The following EDEM3 variants were observed in gnomAD, a reference collection of about 807,000 sequenced individuals.
EDEM3 encodes the protein ER degradation enhancing alpha-mannosidase like protein 3.
EDEM3 carries 60 observed loss-of-function variants against 110.2 expected under a neutral mutation model. The ratio of observed to expected loss-of-function variants is 0.54; its 90% confidence interval spans 0.44 to 0.67. The LOEUF is 0.67. Ranked by LOEUF, EDEM3 falls within the 30% of genes least tolerant of loss-of-function variation. The pLI, the probability that EDEM3 is intolerant of heterozygous loss-of-function variation, is 0.00. For missense variants in EDEM3, 996 were observed against 1,121.0 expected (o/e 0.89, Z 1.59); for synonymous variants, 352 against 382.9 (o/e 0.92, Z 0.94).
At position 184,712,590 on chromosome 1, in the gene EDEM3, G is replaced by C; in HGVS notation, c.1379C>G (p.Ser460Cys). ...TTTAAACATTTCAGCCAAGAAGAAAGAATCCATTCTAAAATAAAAAGTCAC... is the reference window on the plus strand; with the variant it reads ...TTTAAACATTTCAGCCAAGAAGAAACAATCCATTCTAAAATAAAAAGTCAC... ...RTGSHEDRMD[S>C]FFLAEMFKYL... is the part of the protein sequence containing the mutation. The change falls in exon 14 of 20, where the codon TCT (serine) becomes TGT (cysteine). Residue 460 changes from serine to cysteine, a missense_variant. Around this residue, in one of 5 missense-constraint regions of EDEM3, gnomAD observed 310 missense variants for 394.6 expected, o/e 0.79. Coordinates refer to ENST00000318130, the MANE Select transcript of EDEM3 (RefSeq NM_025191.4). The C allele has an allele frequency of 1.3e-6, 2 of 1,525,154 alleles. No individual in the cohort carries two copies. Among genetic ancestry groups the C allele is most frequent in the Non-Finnish European group, 1.8e-6 (2 of 1,128,266 alleles). 94.5% of individuals were successfully genotyped at this position (1,525,154 alleles called of 1,614,324 possible).
intron 11 of EDEM3, among the ~76,000 whole-genome samples, chr1:184,718,581 C>T (rs2207733): frequency 0.58 from 87,493 of 151,836 alleles, 26,766 homozygotes; most frequent in African/African-American, 0.79. Context: ...AAATTTTTAA[C>T]GGTACATTTC....
intron 13 of EDEM3, among the ~76,000 whole-genome samples, chr1:184,713,527 A>G (rs1650377362): frequency 6.6e-6 from 1 of 152,236 alleles, no homozygotes; most frequent in African/African-American, 2.4e-5. Flanking sequence ...ACTACTCCCC[A>G]AAGCATCATA....
intron 10 of EDEM3, 39 bp from the exon 11 acceptor site, chr1:184,719,284 G>A (rs762294601): frequency 1.8e-5 from 27 of 1,507,174 alleles, no homozygotes; most frequent in Admixed American, 2.3e-5. Context: ...AATAAAATAT[G>A]AGCTGATTTT....
chr1:184,724,027 T>C (rs1651056618), intron 7 of EDEM3, among the ~76,000 whole-genome samples, 171 bp from the exon 8 acceptor site: 1 of 152,002 alleles, frequency 6.6e-6, no homozygotes, highest in African/African-American at 2.4e-5. Context: ...AACTCAAAGC[T>C]TGGCTCTTTT....
In EDEM3 at chr1:184,706,633, G is replaced by A; in HGVS notation, c.2203+10C>T. 6.2e-7 allele frequency: 1 copy of A among 1,602,502 alleles called. No individual in the cohort carries two copies. The highest frequency in any genetic ancestry group is 8.5e-7 in the Non-Finnish European group (1 of 1,171,784). On this transcript the variant is annotated intron_variant, in intron 18 of 19. Transcript: ENST00000318130. Reference sequence around the variant, plus strand: ...CTTCAGTCAACACAATGACATGGATGATTACTTACCAATAACAATGCCACC... The same window carrying A: ...CTTCAGTCAACACAATGACATGGATAATTACTTACCAATAACAATGCCACC...
chr1:184,721,431 C>A (rs779978681), intron 8 of EDEM3, 45 bp from the exon 9 acceptor site: 2 of 1,498,098 alleles, frequency 1.3e-6, no homozygotes, highest in Non-Finnish European at 1.8e-6. Flanking sequence ...TTTTTAAAAC[C>A]GTTAAATTTT....
At chr1:184,753,991 T>C (rs1189434505) in intron 1 of EDEM3, among the ~76,000 whole-genome samples, 1 of 152,238 alleles carries the variant, frequency 6.6e-6, no homozygotes, top group Non-Finnish European at 1.5e-5. Flanking sequence ...AAGAAAACAC[T>C]GCAAGGAAAT....
rs117277213 is a variant in EDEM3, at chr1:184,704,769, T to C, written c.2204-1773A>G. Among the ~76,000 whole-genome samples the C allele has an allele frequency of 3.0e-3, 427 of 143,868 alleles. 5 individuals carry two copies. The East Asian group carries it at 0.039, about 13-fold the overall frequency. 94.4% of individuals were successfully genotyped at this position (143,868 alleles called of 152,430 possible). A position where few individuals can be genotyped will look rare whatever the true frequency, so the allele number is the denominator to read the frequency against. On this transcript the variant is annotated intron_variant, in intron 18 of 19. Coordinates refer to ENST00000318130, the MANE Select transcript of EDEM3 (RefSeq NM_025191.4). ...CAACTAATAGCTACCAAAAAAAACA[T>C]TTGACGGGCCAGGCTTGGTGGCTCA...
In EDEM3 at chr1:184,754,627, C is replaced by G. The variant is rs752781403; in HGVS notation, c.20G>C (p.Arg7Pro). The G allele has an allele frequency of 6.9e-6, 11 of 1,590,482 alleles. No individual in the cohort carries two copies. The highest frequency in any genetic ancestry group is 5.4e-5 in the African/African-American group (4 of 74,138). MSEAGGRGCGSPVPQRA... is the reference protein window; with the variant it reads MSEAGGPGCGSPVPQRA... ...CTGGGGAACCGGGGACCCACAGCCCCGGCCGCCGGCTTCGCTCATGGCCCC... is the reference window on the plus strand; with the variant it reads ...CTGGGGAACCGGGGACCCACAGCCCGGGCCGCCGGCTTCGCTCATGGCCCC... Residue 7 changes from arginine to proline, a missense_variant, in exon 1 of 20, where the codon CGG becomes CCG. Around this residue, in one of 5 missense-constraint regions of EDEM3, gnomAD observed 200 missense variants for 183.8 expected, o/e 1.09. Coordinates refer to ENST00000318130, the MANE Select transcript of EDEM3 (RefSeq NM_025191.4).
chr1:184,709,800 C>T (rs1438646781), intron 16 of EDEM3, among the ~76,000 whole-genome samples: 1 of 152,066 alleles, frequency 6.6e-6, no homozygotes, highest in Non-Finnish European at 1.5e-5. Flanking sequence ...TAAAGGATAC[C>T]TGAATATGGT....
At chr1:184,754,046 C>T (rs1291956079) in intron 1 of EDEM3, among the ~76,000 whole-genome samples, 1 of 152,202 alleles carries the variant, frequency 6.6e-6, no homozygotes, top group Admixed American at 6.5e-5. Flanking sequence ...CCCCCTTTTC[C>T]GTAACAGGTG....
Position 184,706,737 on chromosome 1 carries a change from C to T in EDEM3, c.2109G>A (p.Met703Ile). The T allele has an allele frequency of 5.0e-6, 8 of 1,613,960 alleles. No individual in the cohort carries two copies. Among genetic ancestry groups the T allele is most frequent in the Non-Finnish European group, 6.8e-6 (8 of 1,179,922 alleles). The change falls in exon 18 of 20, where the codon ATG (methionine) becomes ATA (isoleucine). Residue 703 changes from methionine to isoleucine, a missense_variant. Physicochemically the swap from Met to Ile is conservative, Grantham distance 10. Coordinates refer to ENST00000318130, the MANE Select transcript of EDEM3 (RefSeq NM_025191.4). ...CTCTTTGTATCAGTGCGATTTTTCC[C>T]ATCACTGCCTCTGGGTTAGTAAGCT... ...CSELTNPEAV[M>I]GKIALIQRGQ...
Position 184,711,815 on chromosome 1 carries a change from G to A in EDEM3, c.1599C>T (p.Ile533=). The change falls in exon 15 of 20, where the codon ATC becomes ATT. Residue 533 remains isoleucine (I), a synonymous_variant. Transcript: ENST00000318130. ...NFDWTCPNTQ[I]LFPNDPLYAQ... ...CATACAATGGGTCATTAGGAAAGAG[G>A]ATCTGAGTATTTGGACAAGTCCAAT... The A allele has an allele frequency of 2.5e-6, 4 of 1,613,482 alleles. No homozygotes were observed. Among genetic ancestry groups the A allele is most frequent in the Non-Finnish European group, 3.4e-6 (4 of 1,179,608 alleles).
chr1:184,710,572 G>C, intron 15 of EDEM3, 25 bp from the exon 16 acceptor site: 1 of 1,558,166 alleles, frequency 6.4e-7, no homozygotes. Flanking sequence ...TACAGGCAAG[G>C]CTTAAAAAAC....
At chr1:184,753,137 T>G (rs1362336806) in intron 1 of EDEM3, among the ~76,000 whole-genome samples, 1 of 152,156 alleles carries the variant, frequency 6.6e-6, no homozygotes, top group Non-Finnish European at 1.5e-5. Context: ...GACCTGATGG[T>G]TCCACCACCC....
intron 11 of EDEM3, among the ~76,000 whole-genome samples, chr1:184,717,944 C>T (rs1650644629): frequency 6.6e-6 from 1 of 151,994 alleles, no homozygotes. Flanking sequence ...ATCCTTCCCT[C>T]TACTTTTTCC....
chr1:184,692,567 G>A lies in EDEM3; in HGVS notation c.*1496C>T, dbSNP rs377008401. ...TACACCTCATCAGTACCTCACAACC[G>A]TGTTTTAGGAAAAAGTTTTGTGTAA... is the stretch of plus-strand genomic sequence containing the variant. On this transcript the variant is annotated 3_prime_UTR_variant, in exon 20 of 20. Transcript: ENST00000318130. 2.6e-5 allele frequency: 4 copies of A among 152,100 alleles called. No individual in the cohort carries two copies. Among genetic ancestry groups the A allele is most frequent in the East Asian group, 1.9e-4 (1 of 5,180 alleles). The allele number at this position is 152,100 out of a possible 1,614,324, so 9.4% of individuals were successfully genotyped here.
chr1:184,725,742 T>C (rs1383366623), intron 7 of EDEM3, among the ~76,000 whole-genome samples: 4 of 151,932 alleles, frequency 2.6e-5, no homozygotes, highest in Non-Finnish European at 5.9e-5. Flanking sequence ...ATGAGAGACA[T>C]AGCTAGCCCA....
At chr1:184,697,566 A>G (rs896826142) in intron 19 of EDEM3, among the ~76,000 whole-genome samples, 1 of 151,848 alleles carries the variant, frequency 6.6e-6, no homozygotes, top group Admixed American at 6.6e-5. Context: ...ATGCAAGAAT[A>G]TTTGATATAT....
Sources: allele counts gnomAD v4.1 joint callset (sites outside exome capture counted in the v4.1 genomes callset), GRCh38; gene constraint gnomAD v4.1.1; regional missense constraint gnomAD v4.1.1; transcripts MANE v1.5; gene names NCBI Gene and HGNC (gene_info 2026-07-23, HGNC 2026-07-21).